Variants in CLDN16 observed in about 807,000 individuals in gnomAD.
CLDN16 encodes the protein claudin-16.
In CLDN16, 13 loss-of-function variants were observed where a neutral mutation model predicts 24.6. That is an observed-to-expected ratio of 0.53 (90% CI 0.34 to 0.84). CLDN16 has a LOEUF of 0.84. Among genes scored for constraint, CLDN16 ranks in the 40% least tolerant of loss-of-function variants. The pLI is 0.01. For missense variants in CLDN16, 298 were observed against 292.7 expected (o/e 1.02, Z -0.13); for synonymous variants, 116 against 106.7 (o/e 1.09, Z -0.54).
chr3:190,367,158 A>G (rs1354641802), intron 1 of CLDN16, among the ~76,000 whole-genome samples: 1 of 151,916 alleles, frequency 6.6e-6, no homozygotes, highest in African/African-American at 2.4e-5. Context: ...AAAGAAATGA[A>G]TATTCTTTTC....
intron 1 of CLDN16, among the ~76,000 whole-genome samples, chr3:190,390,575 TC>T (rs1718625953): frequency 6.6e-6 from 1 of 152,010 alleles, no homozygotes; most frequent in Non-Finnish European, 1.5e-5. Context: ...CAAATCCGGC[TC>T]CCTTCTCTTT....
At chr3:190,398,928 T>C (rs1397592546) in intron 1 of CLDN16, among the ~76,000 whole-genome samples, 1 of 152,206 alleles carries the variant, frequency 6.6e-6, no homozygotes, top group Non-Finnish European at 1.5e-5. Flanking sequence ...CACATATAAA[T>C]TTAGACGTCC....
At chr3:190,363,554 G>GTATATATATATATATATATA (rs1553805321) in intron 1 of CLDN16, among the ~76,000 whole-genome samples, 1 of 81,358 alleles carries the variant, frequency 1.2e-5, no homozygotes, top group Non-Finnish European at 2.3e-5. Context: ...GTGTGTGTGT[G>GTATATATATATATATATATA]TGTATATATA....
chr3:190,363,594 A>ATATT (rs1717954068), intron 1 of CLDN16, among the ~76,000 whole-genome samples: 2 of 133,218 alleles, frequency 1.5e-5, no homozygotes, highest in Admixed American at 1.5e-4. Context: ...ATATATATAT[A>ATATT]TATTTTCTTT....
chr3:190,301,260 T>A, the CLDN16 span, among the ~76,000 whole-genome samples: 1 of 152,086 alleles, frequency 6.6e-6, no homozygotes. Context: ...TTTGGGAGAC[T>A]GAGGTGGATG....
At chr3:190,340,754 G>A (rs561264125) in intron 1 of CLDN16, among the ~76,000 whole-genome samples, 36 of 152,210 alleles carry the variant, frequency 2.4e-4, no homozygotes, top group South Asian at 2.1e-4. Flanking sequence ...CTGAGACAAG[G>A]CAAGCCCCTT....
At chr3:190,397,858 C>T (rs1031351126) in intron 1 of CLDN16, among the ~76,000 whole-genome samples, 9 of 152,192 alleles carry the variant, frequency 5.9e-5, no homozygotes, top group Non-Finnish European at 1.3e-4. Flanking sequence ...AGCCTTGAAA[C>T]TGATACCACT....
chr3:190,329,134 G>T (rs1717130931), intron 1 of CLDN16, among the ~76,000 whole-genome samples: 1 of 152,070 alleles, frequency 6.6e-6, no homozygotes, highest in Admixed American at 6.6e-5. Flanking sequence ...TTGGGGGGGA[G>T]GCAGAAGGAA....
At chr3:190,338,484 CAA>C (rs1380419549) in intron 1 of CLDN16, among the ~76,000 whole-genome samples, 1 of 151,956 alleles carries the variant, frequency 6.6e-6, no homozygotes, top group Non-Finnish European at 1.5e-5. Flanking sequence ...CCCTCATGCC[CAA>C]GTTTAATTAT....
upstream of CLDN16, among the ~76,000 whole-genome samples, chr3:190,383,598 A>C (rs916375488): frequency 6.6e-6 from 1 of 152,120 alleles, no homozygotes; most frequent in African/African-American, 2.4e-5. Context: ...TACCTGAAAC[A>C]TTACCTGAAA....
At chr3:190,299,061 C>T in the CLDN16 span, among the ~76,000 whole-genome samples, 1 of 152,154 alleles carries the variant, frequency 6.6e-6, no homozygotes, top group South Asian at 2.1e-4. Flanking sequence ...TGGTGACCAT[C>T]ATTAATCCAC....
At chr3:190,328,462 G>C (rs1717116370) in intron 1 of CLDN16, among the ~76,000 whole-genome samples, 1 of 152,146 alleles carries the variant, frequency 6.6e-6, no homozygotes, top group African/African-American at 2.4e-5. Flanking sequence ...GTTGTGAGGA[G>C]TAAATAAAAT....
intron 1 of CLDN16, among the ~76,000 whole-genome samples, chr3:190,355,281 T>C (rs1480278993): frequency 6.6e-6 from 1 of 151,866 alleles, no homozygotes. Context: ...TTTAACTTTG[T>C]TTTTTTAATA....
At position 190,404,757 on chromosome 3, in the gene CLDN16, T is replaced by C; in HGVS notation, c.218-5T>C. On this transcript the variant is annotated splice_region_variant and splice_polypyrimidine_tract_variant and intron_variant, in intron 2 of 4. Transcript: ENST00000264734. ...CTGCTTTAACCATATGCCCTGGTCT[T>C]CCAGTGAAGCTGGTGGTAACTCGAG... is the stretch of plus-strand genomic sequence containing the variant. The C allele has an allele frequency of 6.2e-7, 1 of 1,614,156 alleles. No individual in the cohort carries two copies. The highest frequency in any genetic ancestry group is 8.5e-7 in the Non-Finnish European group (1 of 1,179,974).
At chr3:190,337,863 G>T (rs1321272444) in intron 1 of CLDN16, among the ~76,000 whole-genome samples, 2 of 152,156 alleles carry the variant, frequency 1.3e-5, no homozygotes, top group East Asian at 1.9e-4. Context: ...AAGGAAGCCT[G>T]GTAGTGGGAA....
At chr3:190,372,801 C>A (rs892826716) in intron 2 of CLDN16, among the ~76,000 whole-genome samples, 4 of 151,880 alleles carry the variant, frequency 2.6e-5, no homozygotes, top group African/African-American at 9.7e-5. Flanking sequence ...TGTCAAAGGC[C>A]TTCTTTAAGT....
At chr3:190,402,746 C>T (rs552541824) in intron 2 of CLDN16, among the ~76,000 whole-genome samples, 81 of 152,056 alleles carry the variant, frequency 5.3e-4, no homozygotes, top group Non-Finnish European at 9.7e-4. Context: ...GTTTTTTAAT[C>T]GAAATAAACT....
chr3:190,344,032 C>A (rs935380706), intron 1 of CLDN16, among the ~76,000 whole-genome samples: 5 of 150,828 alleles, frequency 3.3e-5, no homozygotes, highest in African/African-American at 5.0e-5. Flanking sequence ...TGTTTCACTG[C>A]AGCAATCATT....
At chr3:190,384,610 A>G (rs1718442468), upstream of CLDN16, among the ~76,000 whole-genome samples, 1 of 152,196 alleles carries the variant, frequency 6.6e-6, no homozygotes, top group Non-Finnish European at 1.5e-5. Context: ...TGCAAAATCA[A>G]TAGCCCTGGA....
Sources: gnomAD v4.1 joint callset for allele counts (sites outside exome capture counted in the v4.1 genomes callset) on GRCh38, gnomAD v4.1.1 for gene constraint, MANE v1.5 for transcripts, NCBI Gene and HGNC (gene_info 2026-07-23, HGNC 2026-07-21) for gene names.